The following GLRA3 variants were observed in gnomAD, a reference collection of about 807,000 sequenced individuals.
GLRA3 encodes the protein glycine receptor subunit alpha-3.
GLRA3 carries 44 observed loss-of-function variants against 60.4 expected under a neutral mutation model. The ratio of observed to expected loss-of-function variants is 0.73; its 90% CI spans 0.57 to 0.94. The LOEUF is 0.94. GLRA3 is among the 40% of genes least tolerant of loss of function. The probability of loss-of-function intolerance (pLI) is 0.00; values close to 1 mark genes in which losing one functional copy is unlikely to be tolerated. For synonymous variants in GLRA3, 223 were observed against 192.9 expected (o/e 1.16, Z -1.29); for missense variants, 508 against 564.6 (o/e 0.90, Z 1.02).
intron 2 of GLRA3, among the ~76,000 whole-genome samples, chr4:174,786,795 A>C (rs11722165): frequency 0.25 from 38,711 of 151,996 alleles, 5,133 homozygotes; most frequent in Non-Finnish European, 0.3. Context: ...ATGCAGCCTG[A>C]ATTTTTTTTC....
At chr4:174,802,836 A>C (rs972236329) in intron 1 of GLRA3, among the ~76,000 whole-genome samples, 2 of 152,100 alleles carry the variant, frequency 1.3e-5, no homozygotes, top group Non-Finnish European at 2.9e-5. Context: ...GTGAATTGAA[A>C]TGCTGTCAGT....
chr4:174,763,605 C>G (rs1158154841), intron 3 of GLRA3, among the ~76,000 whole-genome samples: 1 of 152,168 alleles, frequency 6.6e-6, no homozygotes, highest in Non-Finnish European at 1.5e-5. Context: ...ATGCTTTCAT[C>G]CTGGCACATA....
chr4:174,782,614 G>A (rs1037863320), intron 2 of GLRA3, among the ~76,000 whole-genome samples: 14 of 152,090 alleles, frequency 9.2e-5, no homozygotes, highest in African/African-American at 3.4e-4. Context: ...AGCAACTTCA[G>A]CAAAGTCTCA....
At chr4:174,661,833 A>G (rs4425356) in intron 7 of GLRA3, among the ~76,000 whole-genome samples, 45,805 of 152,092 alleles carry the variant, frequency 0.3, 8,011 homozygotes, top group Admixed American at 0.47. Flanking sequence ...AAGAAAAAGA[A>G]TGGAAAAAAC....
intron 9 of GLRA3, among the ~76,000 whole-genome samples, chr4:174,655,448 C>T (rs1343244944): frequency 1.3e-5 from 2 of 151,964 alleles, no homozygotes; most frequent in Non-Finnish European, 2.9e-5. Context: ...GTATTGACTT[C>T]CCATAAGATA....
intron 3 of GLRA3, among the ~76,000 whole-genome samples, chr4:174,745,393 A>G (rs1034609313): frequency 2.0e-5 from 3 of 152,168 alleles, no homozygotes; most frequent in African/African-American, 7.2e-5. Context: ...AAACAGCAAG[A>G]GAAAAGCATC....
intron 2 of GLRA3, among the ~76,000 whole-genome samples, chr4:174,788,475 G>C (rs1270566462): frequency 6.7e-6 from 1 of 150,232 alleles, no homozygotes; most frequent in African/African-American, 2.5e-5. Flanking sequence ...AGCAATTAAA[G>C]AAGCTTCCAT....
intron 1 of GLRA3, among the ~76,000 whole-genome samples, chr4:174,805,741 AAACAGGTTG>A (rs1470685107): frequency 1.3e-5 from 2 of 152,188 alleles, no homozygotes; most frequent in Non-Finnish European, 2.9e-5. Flanking sequence ...CATAATAATA[AAACAGGTTG>A]ATATAGAACT....
At chr4:174,767,123 TACACACACACACAC>T (rs10551381) in intron 2 of GLRA3, 93 bp from the exon 3 acceptor site, 78 of 471,874 alleles carry the variant, frequency 1.7e-4, no homozygotes, top group African/African-American at 6.3e-4. Context: ...TATTCCATTT[TACACACACACACAC>T]ACACACACAC....
chr4:174,688,857 A>G (rs918221662), intron 5 of GLRA3, among the ~76,000 whole-genome samples: 1 of 152,124 alleles, frequency 6.6e-6, no homozygotes, highest in Non-Finnish European at 1.5e-5. Context: ...AAGAGCTATA[A>G]AGAATCTTAG....
Position 174,804,245 on chromosome 4 carries a change from C to T in GLRA3, c.72-15302G>A, listed in dbSNP as rs143656271. Reference sequence around the variant, plus strand: ...GGTAAAAAGAGAAAGTTTCCTAGAACCTGTGATGGGAAAGAGTACGGAAAA... The same window carrying T: ...GGTAAAAAGAGAAAGTTTCCTAGAATCTGTGATGGGAAAGAGTACGGAAAA... On this transcript the variant is annotated intron_variant, in intron 1 of 9. Coordinates refer to ENST00000274093, the MANE Select transcript of GLRA3 (RefSeq NM_006529.4). 4.6e-5 allele frequency among the ~76,000 whole-genome samples: 7 copies of T among 152,164 alleles called. No individual in the cohort carries two copies. In the East Asian group the frequency reaches 1.4e-3, roughly 30 times the overall value.
At chr4:174,742,297 C>G (rs1249683700) in intron 3 of GLRA3, among the ~76,000 whole-genome samples, 1 of 151,982 alleles carries the variant, frequency 6.6e-6, no homozygotes, top group African/African-American at 2.4e-5. Context: ...TTTTAATAAG[C>G]TATTTTAAGA....
At chr4:174,771,557 A>G (rs929647344) in intron 2 of GLRA3, among the ~76,000 whole-genome samples, 2 of 152,088 alleles carry the variant, frequency 1.3e-5, no homozygotes, top group African/African-American at 2.4e-5. Flanking sequence ...AGGAAAACAT[A>G]AGAACATCAG....
intron 1 of GLRA3, among the ~76,000 whole-genome samples, chr4:174,800,978 A>G (rs995911845): frequency 6.6e-6 from 1 of 152,120 alleles, no homozygotes; most frequent in Non-Finnish European, 1.5e-5. Context: ...ATTATAAAAT[A>G]GACTTTGTAT....
At chr4:174,700,530 T>C (rs1156409781) in intron 5 of GLRA3, among the ~76,000 whole-genome samples, 2 of 152,164 alleles carry the variant, frequency 1.3e-5, no homozygotes, top group Non-Finnish European at 2.9e-5. Context: ...CTTTAAGTAG[T>C]CGCTGAAAGG....
chr4:174,653,691 G>T (rs1733100667), intron 9 of GLRA3, among the ~76,000 whole-genome samples: 1 of 151,922 alleles, frequency 6.6e-6, no homozygotes, highest in Non-Finnish European at 1.5e-5. Flanking sequence ...AGCATAATAT[G>T]TTAGATTCAC....
At chr4:174,697,976 G>A (rs1173513405) in intron 5 of GLRA3, among the ~76,000 whole-genome samples, 1 of 152,098 alleles carries the variant, frequency 6.6e-6, no homozygotes, top group Non-Finnish European at 1.5e-5. Context: ...ATAAACTTCA[G>A]GTTGTGAGAA....
At chr4:174,656,638 G>T in intron 9 of GLRA3, 105 bp downstream of exon 9, 1 of 620,140 alleles carries the variant, frequency 1.6e-6, no homozygotes, top group East Asian at 2.7e-5. Flanking sequence ...AATACAAAAG[G>T]GGCTGTGTTT....
chr4:174,778,864 C>A (rs1479464927), intron 2 of GLRA3, among the ~76,000 whole-genome samples: 2 of 152,230 alleles, frequency 1.3e-5, no homozygotes, highest in Non-Finnish European at 2.9e-5. Flanking sequence ...AGTCTGAGAT[C>A]AAACTGCAAG....
Sources: allele counts gnomAD v4.1 joint callset (sites outside exome capture counted in the v4.1 genomes callset), GRCh38; gene constraint gnomAD v4.1.1; transcripts MANE v1.5; gene names NCBI Gene and HGNC (gene_info 2026-07-23, HGNC 2026-07-21).